Variants in MICAL3 observed in about 807,000 individuals in gnomAD.
The protein encoded by MICAL3 is [F-actin]-monooxygenase MICAL3.
Under a neutral mutation model 207.4 loss-of-function variants are expected in MICAL3, and 62 were observed. The observed-to-expected ratio is 0.30, with a 90% CI of 0.24 to 0.37. MICAL3 has a LOEUF of 0.37. Among genes scored for constraint, MICAL3 ranks in the 10% least tolerant of loss-of-function variants. MICAL3 has a pLI of 1.00. For missense variants in MICAL3, 2,368 were observed against 2,635.6 expected, an observed-to-expected ratio of 0.90 and a Z score of 2.22; for synonymous variants, 1,077 against 1,069.3, an observed-to-expected ratio of 1.01 and a Z score of -0.14.
In MICAL3 at chr22:17,808,222, C is replaced by G. The variant is rs372143245; in HGVS notation, c.5650+622G>C. 1.4e-4 allele frequency among the ~76,000 whole-genome samples: 21 copies of G among 152,364 alleles called. No homozygotes were observed. The East Asian group carries it at 2.1e-3, about 15-fold the overall frequency. ...GCTTCCCTGCCAGGAGCAGCAGTCA[C>G]GAGCACAGGGCCCTGCCAGCCACTC... On this transcript the variant is annotated intron_variant, in intron 29 of 31. Transcript: ENST00000441493.
At chr22:17,908,085 C>T (rs925063862) in intron 1 of MICAL3, among the ~76,000 whole-genome samples, 2 of 152,112 alleles carry the variant, frequency 1.3e-5, no homozygotes, top group African/African-American at 4.8e-5. Context: ...GAAACCTCAC[C>T]ACTGGAACTG....
At chr22:17,811,252 T>G (rs2062044989) in intron 27 of MICAL3, 1 of 156,092 alleles carries the variant, frequency 6.4e-6, no homozygotes, top group South Asian at 1.9e-4. Context: ...TCACCAAGCC[T>G]CCTGCTTCTA....
At position 17,923,054 on chromosome 22, in the gene MICAL3, C is replaced by T. The variant is rs188520954; in HGVS notation, c.-74-16168G>A. On this transcript the variant is annotated intron_variant, in intron 1 of 31. Transcript: ENST00000441493. Reference sequence around the variant, plus strand: ...ATTCCCGCTGACCCCTGAGATCACTCCCCCAGCTACACCCCTCACCACACC... The same window carrying T: ...ATTCCCGCTGACCCCTGAGATCACTTCCCCAGCTACACCCCTCACCACACC... Among the ~76,000 whole-genome samples, 114 of 152,254 alleles carry T rather than the reference C, an allele frequency of 7.5e-4. No individual in the cohort carries two copies. In the Middle Eastern group the frequency reaches 0.014, roughly 18 times the overall value.
chr22:17,836,666 A>G (rs1015487192), intron 20 of MICAL3, among the ~76,000 whole-genome samples: 69 of 141,190 alleles, frequency 4.9e-4, no homozygotes, highest in African/African-American at 1.7e-3. Flanking sequence ...TTTTTTTGAG[A>G]TGGAGTCTTG....
chr22:17,804,670 C>A lies in MICAL3; in HGVS notation c.5650+4174G>T, dbSNP rs138789689. On this transcript the variant is annotated intron_variant, in intron 29 of 31. Coordinates refer to ENST00000441493, the MANE Select transcript of MICAL3 (RefSeq NM_015241.3). ...TGCCGAGAGGCTGGGCTTGAGCAGGCGGTCCTCATCTCCCCAGAATCATAA... is the reference window on the plus strand; with the variant it reads ...TGCCGAGAGGCTGGGCTTGAGCAGGAGGTCCTCATCTCCCCAGAATCATAA... Among the ~76,000 whole-genome samples, 242 of 152,244 alleles carry A rather than the reference C, an allele frequency of 1.6e-3. 1 individual carries two copies. Among genetic ancestry groups the A allele is most frequent in the African/African-American group, 5.6e-3 (233 of 41,526 alleles).
chr22:18,023,563 A>G (rs973144431), intron 1 of MICAL3, among the ~76,000 whole-genome samples: 3 of 152,276 alleles, frequency 2.0e-5, no homozygotes, highest in South Asian at 2.1e-4. Flanking sequence ...GCATTTTGCT[A>G]TGGAGTCATA....
chr22:17,904,744 G>A lies in MICAL3; in HGVS notation c.360C>T (p.Ala120=). The change falls in exon 3 of 32, where the codon GCC becomes GCT. Residue 120 remains alanine (A), a synonymous_variant. Coordinates refer to ENST00000441493, the MANE Select transcript of MICAL3 (RefSeq NM_015241.3). The part of the protein sequence containing the change: ...AKVVVIEKRD[A]FSRNNVLHLW... ...GATGCAAGACGTTGTTGCGGGAGAA[G>A]GCATCTCGTTTCTCAATAACAACCA... is the stretch of plus-strand genomic sequence containing the variant. The A allele has an allele frequency of 6.2e-7, 1 of 1,613,848 alleles. No homozygotes were observed. Among genetic ancestry groups the A allele is most frequent in the Non-Finnish European group, 8.5e-7 (1 of 1,179,720 alleles).
Position 17,957,508 on chromosome 22 carries a change from T to A in MICAL3, c.-74-50622A>T, listed in dbSNP as rs376307934. On this transcript the variant is annotated intron_variant, in intron 1 of 31. Transcript: ENST00000441493. The stretch of plus-strand genomic sequence containing the variant: ...GAGGATCACTTGAGGCCAGGAATTC[T>A]AGACCAGTCTGGGCAACATGGCAAA... Among the ~76,000 whole-genome samples, 30 of 152,224 alleles carry A rather than the reference T, an allele frequency of 2.0e-4. No individual in the cohort carries two copies. In the East Asian group the frequency reaches 5.0e-3, roughly 26 times the overall value.
chr22:17,857,160 G>A (rs1003778074), intron 19 of MICAL3, among the ~76,000 whole-genome samples: 3 of 152,154 alleles, frequency 2.0e-5, no homozygotes, highest in Non-Finnish European at 2.9e-5. Flanking sequence ...CACCCCCTGC[G>A]CTGTGGCCCG....
At chr22:17,873,053 G>A (rs1019610975) in intron 16 of MICAL3, among the ~76,000 whole-genome samples, 10 of 152,196 alleles carry the variant, frequency 6.6e-5, no homozygotes, top group Non-Finnish European at 1.0e-4. Context: ...CAGTGTCCAC[G>A]CAGGGGTACC....
At chr22:17,834,302 A>C in intron 20 of MICAL3, 1 of 1,139,920 alleles carries the variant, frequency 8.8e-7, no homozygotes, top group South Asian at 1.7e-5. Context: ...TACTGCAAGG[A>C]GCTCAGGGTA....
At position 17,817,780 on chromosome 22, in the gene MICAL3, T is replaced by G. The variant is rs1308397774; in HGVS notation, c.4881A>C (p.Ser1627=). The G allele has an allele frequency of 6.9e-6, 11 of 1,599,952 alleles. No individual in the cohort carries two copies. Among genetic ancestry groups the G allele is most frequent in the Non-Finnish European group, 9.4e-6 (11 of 1,172,650 alleles). The change falls in exon 26 of 32, where the codon TCA becomes TCC. Residue 1627 remains serine (S), a synonymous_variant. Coordinates refer to ENST00000441493, the MANE Select transcript of MICAL3 (RefSeq NM_015241.3). ...LSRMQQMELA[S]GAPRPRKASS... ...ACGCCTTGCGGGGCCTGGGGGCGCC[T>G]GAGGCCAGCTCCATCTGCTGCATCC...
intron 1 of MICAL3, among the ~76,000 whole-genome samples, chr22:17,981,516 A>T (rs1162778357): frequency 6.6e-6 from 1 of 151,952 alleles, no homozygotes; most frequent in African/African-American, 2.4e-5. Context: ...GCAATGTTAA[A>T]TTTTTTTTCA....
At chr22:17,877,038 GA>G in intron 16 of MICAL3, among the ~76,000 whole-genome samples, 1 of 140,642 alleles carries the variant, frequency 7.1e-6, no homozygotes, top group Non-Finnish European at 1.5e-5. Flanking sequence ...GGAGGTTAGG[GA>G]GGTTATGGAG....
chr22:17,889,048 G>A lies in MICAL3; in HGVS notation c.1877C>T (p.Ser626Phe). 6.2e-7 allele frequency: 1 copy of A among 1,605,078 alleles called. No individual in the cohort carries two copies. The highest frequency in any genetic ancestry group is 8.5e-7 in the Non-Finnish European group (1 of 1,172,718). Reference sequence around the variant, plus strand: ...CCAGGCCTTACCGCTAGAGGGGAGGGAGTCCTTAAACATCTCGTAGAACTG... The same window carrying A: ...CCAGGCCTTACCGCTAGAGGGGAGGAAGTCCTTAAACATCTCGTAGAACTG... ...LTQFYEMFKDSLPSSDTLDLN... is the reference protein window; with the variant it reads ...LTQFYEMFKDFLPSSDTLDLN... Residue 626 changes from serine (S) to phenylalanine (F), a missense_variant, in exon 13 of 32, where the codon TCC becomes TTC. By Grantham distance (155) the Ser-to-Phe change is radical. Transcript: ENST00000441493.
At chr22:17,886,093 A>G in intron 15 of MICAL3, 42 bp from the exon 16 acceptor site, 3 of 1,606,320 alleles carry the variant, frequency 1.9e-6, no homozygotes, top group Non-Finnish European at 2.6e-6. Flanking sequence ...CTGTGACAGG[A>G]GGCTCCCCCC....
intron 17 of MICAL3, among the ~76,000 whole-genome samples, chr22:17,868,095 C>T (rs543006818): frequency 1.2e-3 from 176 of 152,296 alleles, no homozygotes; most frequent in African/African-American, 3.8e-3. Context: ...ATAGATGATG[C>T]GAGCAATGTG....
chr22:17,877,198 GGGAGGTTATGGAGGTTAT>G (rs201172389), intron 16 of MICAL3, among the ~76,000 whole-genome samples: 6 of 41,244 alleles, frequency 1.5e-4, no homozygotes, highest in African/African-American at 1.6e-4. Context: ...ATGGAGGTTA[GGGAGGTTATGGAGGTTAT>G]GGAGGTTAGG....
intron 1 of MICAL3, among the ~76,000 whole-genome samples, chr22:17,945,636 G>T (rs1053075540): frequency 2.0e-5 from 3 of 152,118 alleles, no homozygotes; most frequent in African/African-American, 7.2e-5. Context: ...GGAGGGGAGG[G>T]GCTCAGTAAA....
Sources: gnomAD v4.1 joint callset for allele counts (sites outside exome capture counted in the v4.1 genomes callset) on GRCh38, gnomAD v4.1.1 for gene constraint, MANE v1.5 for transcripts, NCBI Gene and HGNC (gene_info 2026-07-23, HGNC 2026-07-21) for gene names.